The following MON2 variants were observed in gnomAD, a reference collection of about 807,000 sequenced individuals.
MON2 encodes protein MON2 homolog.
Under a neutral mutation model 208.6 loss-of-function variants are expected in MON2, and 84 were observed. The observed-to-expected ratio is 0.40, with a 90% CI of 0.34 to 0.48. The LOEUF (loss-of-function observed/expected upper bound fraction) is 0.48, where lower values mean the gene tolerates loss of function less well. MON2 is among the 20% of genes least tolerant of loss of function. The pLI is 0.59. For missense variants in MON2, 1,611 were observed against 2,015.4 expected (o/e 0.80, Z 3.84); for synonymous variants, 660 against 694.0 (o/e 0.95, Z 0.77).
At chr12:62,517,962 G>A (rs990467364) in intron 8 of MON2, among the ~76,000 whole-genome samples, 1 of 152,034 alleles carries the variant, frequency 6.6e-6, no homozygotes, top group African/African-American at 2.4e-5. Context: ...GTCTTAGTTC[G>A]GGCTGTTATA....
intron 1 of MON2, chr12:62,482,332 A>G (rs1336411838): frequency 6.6e-6 from 1 of 152,270 alleles, no homozygotes; most frequent in African/African-American, 2.4e-5. Flanking sequence ...ACAGAAGTCT[A>G]CTGCACATGG....
Position 62,535,676 on chromosome 12 carries a change from A to G in MON2, c.1867A>G (p.Asn623Asp). 1 of 1,612,478 alleles carries G rather than the reference A, an allele frequency of 6.2e-7. No homozygotes were observed. Among genetic ancestry groups the G allele is most frequent in the Non-Finnish European group, 8.5e-7 (1 of 1,179,460 alleles). ...LPPHYALTVL[N>D]TTTAATLSNK... ...TCCCCATTATGCTCTTACTGTATTG[A>G]ATACCACCACTGCAGCTACACTTTC... The change falls in exon 14 of 35, where the codon AAT (asparagine) becomes GAT (aspartate). Residue 623 changes from asparagine (N) to aspartate (D), a missense_variant. Transcript: ENST00000393630.
At chr12:62,504,968 T>TA (rs1259964074) in intron 7 of MON2, among the ~76,000 whole-genome samples, 1 of 152,142 alleles carries the variant, frequency 6.6e-6, no homozygotes, top group African/African-American at 2.4e-5. Flanking sequence ...TAAGAGTAGT[T>TA]AGGAGATATA....
chr12:62,496,436 G>C (rs75268834), intron 4 of MON2, among the ~76,000 whole-genome samples: 14,546 of 152,042 alleles, frequency 0.096, 807 homozygotes, highest in Non-Finnish European at 0.12. Flanking sequence ...TAATATGAAG[G>C]CTTCTATATA....
At chr12:62,511,693 T>C (rs1413509149) in intron 8 of MON2, among the ~76,000 whole-genome samples, 1 of 152,166 alleles carries the variant, frequency 6.6e-6, no homozygotes, top group African/African-American at 2.4e-5. Flanking sequence ...CTTTATGACA[T>C]TGGATTTCAC....
chr12:62,487,246 T>C (rs565899803), intron 2 of MON2, among the ~76,000 whole-genome samples: 3 of 152,230 alleles, frequency 2.0e-5, no homozygotes, highest in African/African-American at 7.2e-5. Context: ...AATACCTTAA[T>C]CTTACATTTA....
chr12:62,561,117 A>G lies in MON2; in HGVS notation c.4032+4A>G. The stretch of plus-strand genomic sequence containing the variant: ...AGCTTTAGATGTTCTCCAAAAGGTA[A>G]TATAATTTTAGTGGCTAAGTAATAC... On this transcript the variant is annotated splice_donor_region_variant and intron_variant, in intron 26 of 34. Transcript: ENST00000393630. 6.3e-7 allele frequency: 1 copy of G among 1,582,382 alleles called. No individual in the cohort carries two copies. Among genetic ancestry groups the G allele is most frequent in the Non-Finnish European group, 8.6e-7 (1 of 1,167,668 alleles).
chr12:62,567,238 C>T (rs1433038596), intron 29 of MON2, among the ~76,000 whole-genome samples: 1 of 152,198 alleles, frequency 6.6e-6, no homozygotes, highest in Non-Finnish European at 1.5e-5. Flanking sequence ...TCTCTAAAGA[C>T]TCATCTATCC....
chr12:62,585,455 C>A lies in MON2; in HGVS notation c.4861C>A (p.Arg1621Ser). ...AAAGAGGTCCCAAGATGTACTACAT[C>A]GCTATATAGAGGATGAAAGATTAAG... ...LLKRSQDVLH[R>S]YIEDERLSGK... The change falls in exon 33 of 35, where the codon CGC (arginine) becomes AGC (serine). Residue 1621 changes from arginine (R) to serine (S), a missense_variant. Coordinates refer to ENST00000393630, the MANE Select transcript of MON2 (RefSeq NM_015026.3). 6.2e-7 allele frequency: 1 copy of A among 1,613,216 alleles called. No homozygotes were observed. The highest frequency in any genetic ancestry group is 8.5e-7 in the Non-Finnish European group (1 of 1,179,302).
At chr12:62,555,882 C>A in intron 24 of MON2, 112 bp from the exon 25 acceptor site, 1 of 735,520 alleles carries the variant, frequency 1.4e-6, no homozygotes. Context: ...ATTGATAAGA[C>A]TGTCAAGTAT....
chr12:62,499,080 G>A, intron 5 of MON2, 32 bp downstream of exon 5: 1 of 1,603,376 alleles, frequency 6.2e-7, no homozygotes, highest in South Asian at 1.1e-5. Context: ...TACTTTGTGG[G>A]TGGTTCTTGG....
intron 32 of MON2, among the ~76,000 whole-genome samples, chr12:62,582,172 A>T (rs1004625257): frequency 3.9e-5 from 6 of 152,246 alleles, no homozygotes; most frequent in African/African-American, 1.4e-4. Context: ...CATTAAGAAC[A>T]ATATTCACAA....
At chr12:62,516,772 G>T (rs1183258373) in intron 8 of MON2, among the ~76,000 whole-genome samples, 1 of 152,056 alleles carries the variant, frequency 6.6e-6, no homozygotes, top group East Asian at 1.9e-4. Flanking sequence ...AAATGCTTGA[G>T]GTGATGTGTA....
At chr12:62,566,175 A>G (rs987754648) in intron 28 of MON2, 144 bp downstream of exon 28, 7 of 1,327,582 alleles carry the variant, frequency 5.3e-6, no homozygotes, top group Admixed American at 4.6e-5. Flanking sequence ...CATGAAGTAC[A>G]TATCTCTTTG....
intron 8 of MON2, among the ~76,000 whole-genome samples, chr12:62,521,402 C>G (rs1352031222): frequency 6.6e-6 from 1 of 152,166 alleles, no homozygotes; most frequent in Admixed American, 6.5e-5. Context: ...TTTGGGGTTA[C>G]TGCCTTGATT....
Position 62,467,137 on chromosome 12 carries a change from T to G in MON2, c.-71T>G. The G allele has an allele frequency of 1.6e-6, 2 of 1,280,056 alleles. No individual in the cohort carries two copies. Among genetic ancestry groups the G allele is most frequent in the Non-Finnish European group, 2.2e-6 (2 of 899,332 alleles). 79.3% of individuals were successfully genotyped at this position (1,280,056 alleles called of 1,614,324 possible). A position where few individuals can be genotyped will look rare whatever the true frequency, so the allele number is the denominator to read the frequency against. On this transcript the variant is annotated 5_prime_UTR_variant, in exon 1 of 35. Coordinates refer to ENST00000393630, the MANE Select transcript of MON2 (RefSeq NM_015026.3). ...AGAGACACCGGGAGGGAGCTGCCTG[T>G]GGCCCTAAGGAGCTGACCGTGCCAG...
chr12:62,560,747 T>C lies in MON2; in HGVS notation c.3666T>C (p.Tyr1222=), dbSNP rs767855147. The part of the protein sequence containing the change: ...TDSIGEKLGR[Y]SSSEPPIVTD... The stretch of plus-strand genomic sequence containing the variant: ...CCATTGGAGAAAAACTAGGAAGATA[T>C]AGTAGCTCTGAGCCACCCATTGTTA... Residue 1222 remains tyrosine, a synonymous_variant, in exon 26 of 35, where the codon TAT becomes TAC. Transcript: ENST00000393630. 6.8e-6 allele frequency: 11 copies of C among 1,614,010 alleles called. No homozygotes were observed. The highest frequency in any genetic ancestry group is 2.2e-5 in the South Asian group (2 of 91,080).
At chr12:62,516,015 C>T (rs1040633484) in intron 8 of MON2, among the ~76,000 whole-genome samples, 5 of 152,062 alleles carry the variant, frequency 3.3e-5, no homozygotes, top group African/African-American at 9.7e-5. Context: ...TTAGTAGCAA[C>T]CAAAGTATCC....
In MON2 at chr12:62,571,491, C is replaced by T. The variant is rs748668632; in HGVS notation, c.4423C>T (p.Pro1475Ser). ...SLLRVLSIGLPVARQHASSGK... is the reference protein window; with the variant it reads ...SLLRVLSIGLSVARQHASSGK... The stretch of plus-strand genomic sequence containing the variant: ...CCTCAGAGTTCTTTCTATTGGGCTA[C>T]CTGTTGCCCGGCAGCATGCTTCTTC... The change falls in exon 30 of 35, where the codon CCT becomes TCT. Residue 1475 changes from proline to serine, a missense_variant. By Grantham distance (74) the Pro-to-Ser change is moderately conservative. Coordinates refer to ENST00000393630, the MANE Select transcript of MON2 (RefSeq NM_015026.3). 2 of 1,614,004 alleles carry T rather than the reference C, an allele frequency of 1.2e-6. No individual in the cohort carries two copies. Among genetic ancestry groups the T allele is most frequent in the South Asian group, 2.2e-5 (2 of 91,070 alleles).
Sources: gnomAD v4.1 joint callset for allele counts (sites outside exome capture counted in the v4.1 genomes callset) on GRCh38, gnomAD v4.1.1 for gene constraint, MANE v1.5 for transcripts, NCBI Gene and HGNC (gene_info 2026-07-23, HGNC 2026-07-21) for gene names.